DNAH14: variants seen among roughly 807,000 people sequenced by gnomAD.
The protein encoded by DNAH14 is axonemal beta dynein heavy chain 14.
DNAH14 carries 478 observed loss-of-function variants against 520.9 expected under a neutral mutation model. The ratio of observed to expected loss-of-function variants is 0.92; its 90% CI spans 0.85 to 0.99. The LOEUF is 0.99. Ranked by LOEUF, DNAH14 falls within the 50% of genes least tolerant of loss-of-function variation. The pLI is 0.00. For missense variants in DNAH14, 4,831 were observed against 5,234.5 expected (o/e 0.92, Z 2.38); for synonymous variants, 1,581 against 1,757.2 (o/e 0.90, Z 2.51).
intron 8 of DNAH14, among the ~76,000 whole-genome samples, chr1:224,996,182 T>TC (rs2063378234): frequency 6.6e-6 from 1 of 151,966 alleles, no homozygotes; most frequent in Non-Finnish European, 1.5e-5. Flanking sequence ...GTTTTTTTTT[T>TC]CTTTTTTGAG....
intron 25 of DNAH14, chr1:225,118,265 G>T: frequency 2.1e-6 from 1 of 476,062 alleles, no homozygotes; most frequent in African/African-American, 1.9e-5. Flanking sequence ...ATTAAATTCT[G>T]CCTTAAGTTT....
chr1:225,089,218 C>T (rs1033655636), intron 21 of DNAH14, among the ~76,000 whole-genome samples: 6 of 151,784 alleles, frequency 4.0e-5, no homozygotes, highest in South Asian at 2.1e-4. Context: ...CTGAGGCAGG[C>T]GGATCACCTG....
At chr1:225,029,530 A>C (rs778100231) in intron 11 of DNAH14, among the ~76,000 whole-genome samples, 64 of 152,074 alleles carry the variant, frequency 4.2e-4, no homozygotes, top group Non-Finnish European at 6.9e-4. Flanking sequence ...AATGCTGAGC[A>C]AAATAGACAG....
At chr1:224,980,261 G>A (rs184770896) in intron 8 of DNAH14, among the ~76,000 whole-genome samples, 90 of 152,260 alleles carry the variant, frequency 5.9e-4, no homozygotes. Flanking sequence ...AGAGCACACT[G>A]CCCTGAAGGG....
intron 46 of DNAH14, among the ~76,000 whole-genome samples, chr1:225,260,596 T>C (rs1182421532): frequency 6.8e-6 from 1 of 147,972 alleles, no homozygotes; most frequent in Non-Finnish European, 1.5e-5. Flanking sequence ...GGTAGGGTGA[T>C]GCCACAAGCT....
chr1:225,318,776 C>T (rs1339429808), intron 61 of DNAH14, 99 bp downstream of exon 61: 1 of 1,101,104 alleles, frequency 9.1e-7, no homozygotes, highest in Non-Finnish European at 1.3e-6. Flanking sequence ...ATATACTAAG[C>T]CTATATTCCA....
chr1:224,952,567 C>A, intron 1 of DNAH14, 103 bp from the exon 2 acceptor site: 1 of 544,800 alleles, frequency 1.8e-6, no homozygotes, highest in African/African-American at 2.0e-5. Flanking sequence ...TTATATTAAG[C>A]CTATTGAGAA....
intron 60 of DNAH14, 139 bp from the exon 61 acceptor site, chr1:225,318,444 T>A: frequency 4.2e-6 from 3 of 718,990 alleles, no homozygotes; most frequent in Non-Finnish European, 6.7e-6. Context: ...TGTGTGCACA[T>A]ATCTAAGTCA....
At chr1:225,361,435 G>C (rs1201188265) in intron 75 of DNAH14, among the ~76,000 whole-genome samples, 1 of 152,328 alleles carries the variant, frequency 6.6e-6, no homozygotes, top group South Asian at 2.1e-4. Context: ...GTTTATTGCT[G>C]TAATTTGAGT....
At chr1:225,178,604 G>A (rs556767146) in intron 36 of DNAH14, among the ~76,000 whole-genome samples, 4 of 152,202 alleles carry the variant, frequency 2.6e-5, no homozygotes, top group Admixed American at 6.5e-5. Flanking sequence ...TATCTAGGGA[G>A]TAACTAACTT....
intron 77 of DNAH14, among the ~76,000 whole-genome samples, chr1:225,369,721 C>A (rs2150628833): frequency 6.6e-6 from 1 of 152,212 alleles, no homozygotes; most frequent in South Asian, 2.1e-4. Context: ...ATCCAAGGAA[C>A]TGTTACACAA....
intron 27 of DNAH14, among the ~76,000 whole-genome samples, chr1:225,134,795 A>G (rs993428127): frequency 6.6e-6 from 1 of 152,164 alleles, no homozygotes; most frequent in Non-Finnish European, 1.5e-5. Flanking sequence ...TTCAGTAGAA[A>G]TAGTACCAGC....
At chr1:225,113,912 T>C (rs2076672495) in intron 23 of DNAH14, among the ~76,000 whole-genome samples, 1 of 152,132 alleles carries the variant, frequency 6.6e-6, no homozygotes. Context: ...GGTGCAGAAA[T>C]GCCATCCAAG....
intron 41 of DNAH14, among the ~76,000 whole-genome samples, chr1:225,221,964 G>A (rs2090083995): frequency 6.6e-6 from 1 of 152,122 alleles, no homozygotes; most frequent in Non-Finnish European, 1.5e-5. Context: ...AATCTGTACT[G>A]AAAAAATGCA....
chr1:225,206,418 T>C lies in DNAH14; in HGVS notation c.6186+239T>C, dbSNP rs571832116. On this transcript the variant is annotated intron_variant, in intron 40 of 85. Coordinates refer to ENST00000682510, the MANE Select transcript of DNAH14 (RefSeq NM_001367479.1). ...TTGGAGTGTCAGTATTTTCCACAAC[T>C]GTGGGTAAACAAATAGACAGGTTAG... Among the ~76,000 whole-genome samples, 14 of 152,266 alleles carry C rather than the reference T, an allele frequency of 9.2e-5. No homozygotes were observed. The South Asian group carries it at 2.9e-3, about 32-fold the overall frequency.
At chr1:225,138,746 G>T (rs983919280) in intron 27 of DNAH14, among the ~76,000 whole-genome samples, 1 of 152,126 alleles carries the variant, frequency 6.6e-6, no homozygotes, top group Non-Finnish European at 1.5e-5. Flanking sequence ...TGGGGGTGGG[G>T]GTTCCTTTGG....
chr1:225,009,487 A>T (rs529504594), intron 10 of DNAH14, among the ~76,000 whole-genome samples: 1 of 152,222 alleles, frequency 6.6e-6, no homozygotes, highest in Non-Finnish European at 1.5e-5. Flanking sequence ...TACCAGTACC[A>T]TGCTGTTTTG....
chr1:225,307,664 A>G (rs1365252184), intron 59 of DNAH14, 95 bp downstream of exon 59: 3 of 949,142 alleles, frequency 3.2e-6, no homozygotes, highest in Non-Finnish European at 4.5e-6. Flanking sequence ...AAGACAGGCT[A>G]GAATTCCAGC....
chr1:225,221,607 C>A (rs754262478), intron 41 of DNAH14, among the ~76,000 whole-genome samples: 19 of 152,192 alleles, frequency 1.2e-4, no homozygotes, highest in Non-Finnish European at 2.5e-4. Flanking sequence ...GAGATACCAT[C>A]TCATGCCAGT....
Sources: allele counts gnomAD v4.1 joint callset (sites outside exome capture counted in the v4.1 genomes callset), GRCh38; gene constraint gnomAD v4.1.1; transcripts MANE v1.5; gene names NCBI Gene and HGNC (gene_info 2026-07-23, HGNC 2026-07-21).